Variants in MON2 observed in about 807,000 individuals in gnomAD.
The protein encoded by MON2 is protein MON2 homolog.
Under a neutral mutation model 208.6 loss-of-function variants are expected in MON2, and 84 were observed. That is an observed-to-expected ratio of 0.40 (90% CI 0.34 to 0.48). MON2 has a LOEUF of 0.48. Among genes scored for constraint, MON2 ranks in the 20% least tolerant of loss-of-function variants. MON2 has a pLI of 0.59. For missense variants in MON2, 1,611 were observed against 2,015.4 expected, an observed-to-expected ratio of 0.80 and a Z score of 3.84; for synonymous variants, 660 against 694.0, an observed-to-expected ratio of 0.95 and a Z score of 0.77.
At chr12:62,550,056 G>A (rs112933616) in intron 23 of MON2, among the ~76,000 whole-genome samples, 1 of 152,086 alleles carries the variant, frequency 6.6e-6, no homozygotes, top group Admixed American at 6.5e-5. Flanking sequence ...GTTTTACAGG[G>A]TTTGTCATGA....
chr12:62,539,267 C>CTA (rs1157641394), intron 19 of MON2, among the ~76,000 whole-genome samples: 1 of 151,420 alleles, frequency 6.6e-6, no homozygotes, highest in East Asian at 1.9e-4. Context: ...TGTTGTCTGC[C>CTA]TAGTCTTTTT....
intron 30 of MON2, among the ~76,000 whole-genome samples, chr12:62,577,364 A>G (rs986824945): frequency 2.0e-5 from 3 of 152,124 alleles, no homozygotes; most frequent in African/African-American, 7.2e-5. Flanking sequence ...ACACCCAAGA[A>G]TATAATACCT....
At chr12:62,523,542 A>C (rs2072176779) in intron 8 of MON2, among the ~76,000 whole-genome samples, 1 of 152,152 alleles carries the variant, frequency 6.6e-6, no homozygotes, top group African/African-American at 2.4e-5. Context: ...CTACTGTGTC[A>C]TTATGATTAT....
chr12:62,546,859 G>A, intron 21 of MON2, 38 bp from the exon 22 acceptor site: 2 of 1,495,958 alleles, frequency 1.3e-6, no homozygotes, highest in Non-Finnish European at 1.8e-6. Flanking sequence ...TGTCTTTTTG[G>A]ACTTCTCTTC....
At chr12:62,493,508 A>G (rs2070296003) in intron 2 of MON2, among the ~76,000 whole-genome samples, 1 of 152,166 alleles carries the variant, frequency 6.6e-6, no homozygotes, top group Admixed American at 6.5e-5. Context: ...TATTGTGGGG[A>G]TGATGTATGT....
rs372122897 is a variant in MON2, at chr12:62,515,446, G to A, written c.984+6966G>A. 3.9e-5 allele frequency among the ~76,000 whole-genome samples: 6 copies of A among 152,294 alleles called. No homozygotes were observed. In the South Asian group the frequency reaches 6.2e-4, roughly 16 times the overall value. On this transcript the variant is annotated intron_variant, in intron 8 of 34. Transcript: ENST00000393630. ...AATTCATAGAGAAAATGGAATGGTC[G>A]TTGCCAAGGACCAGGAGGACAAAGG...
In MON2 at chr12:62,512,792, C is replaced by T. The variant is rs997370973; in HGVS notation, c.984+4312C>T. ...CCTAGCAGAGGTTCTCCATGAAGAC[C>T]CTGCTCCTACAGCAAACTTCTGCCT... On this transcript the variant is annotated intron_variant, in intron 8 of 34. Coordinates refer to ENST00000393630, the MANE Select transcript of MON2 (RefSeq NM_015026.3). 2.6e-5 allele frequency among the ~76,000 whole-genome samples: 4 copies of T among 152,190 alleles called. No individual in the cohort carries two copies. In the South Asian group the frequency reaches 8.3e-4, roughly 31 times the overall value.
At position 62,585,281 on chromosome 12, in the gene MON2, G is replaced by A; in HGVS notation, c.4700-13G>A. ...TAACTTCTATTAACCATCAAAATTTGTTAATTTTACAGAAGCAGAGATTGA... is the reference window on the plus strand; with the variant it reads ...TAACTTCTATTAACCATCAAAATTTATTAATTTTACAGAAGCAGAGATTGA... On this transcript the variant is annotated splice_polypyrimidine_tract_variant and intron_variant, in intron 32 of 34. Coordinates refer to ENST00000393630, the MANE Select transcript of MON2 (RefSeq NM_015026.3). The A allele has an allele frequency of 6.3e-7, 1 of 1,594,008 alleles. No homozygotes were observed. Among genetic ancestry groups the A allele is most frequent in the South Asian group, 1.1e-5 (1 of 90,320 alleles).
chr12:62,511,428 G>T (rs1325644595), intron 8 of MON2, among the ~76,000 whole-genome samples: 1 of 152,126 alleles, frequency 6.6e-6, no homozygotes, highest in African/African-American at 2.4e-5. Flanking sequence ...AAAACCCATG[G>T]AACAGAATGG....
chr12:62,467,680 C>G (rs1283558370), intron 1 of MON2, among the ~76,000 whole-genome samples: 3 of 152,218 alleles, frequency 2.0e-5, no homozygotes, highest in African/African-American at 7.2e-5. Context: ...ATCCACCCAT[C>G]TTGTTGAAAC....
chr12:62,543,598 C>CTT (rs896992311), intron 20 of MON2, among the ~76,000 whole-genome samples: 2 of 150,060 alleles, frequency 1.3e-5, no homozygotes, highest in East Asian at 3.9e-4. Context: ...CATGAGATAG[C>CTT]TTTTTTTTTT....
Position 62,537,231 on chromosome 12 carries a change from CCT to C in MON2, c.1982_1983del (p.Pro661LeufsTer24). 2 of 1,612,482 alleles carry C rather than the reference CCT, an allele frequency of 1.2e-6. No individual in the cohort carries two copies. The highest frequency in any genetic ancestry group is 1.7e-6 in the Non-Finnish European group (2 of 1,178,752). ...SHQQVVAVGQ[P>X]LAVQPQGTVM... ...CCAACAAGTTGTGGCAGTGGGTCAA[CCT>C]TTAGCAGTCCAGCCTCAAGGGACAG... On this transcript the variant is annotated frameshift_variant, in exon 15 of 35. Coordinates refer to ENST00000393630, the MANE Select transcript of MON2 (RefSeq NM_015026.3). LOFTEE classifies it high-confidence loss of function.
chr12:62,537,610 C>A lies in MON2; in HGVS notation c.2022C>A (p.Ser674=). ...VQPQGTVMLT[S]KNIQCMRTLL... is the part of the protein sequence containing the mutation. Reference sequence around the variant, plus strand: ...TCCTTTTTAAAATATAGCTGACTTCCAAAAATATCCAGTGTATGAGGACTT... The same window carrying A: ...TCCTTTTTAAAATATAGCTGACTTCAAAAAATATCCAGTGTATGAGGACTT... The change falls in exon 16 of 35, where the codon TCC becomes TCA. Residue 674 remains serine (S), a synonymous_variant. Coordinates refer to ENST00000393630, the MANE Select transcript of MON2 (RefSeq NM_015026.3). 1 of 1,602,340 alleles carries A rather than the reference C, an allele frequency of 6.2e-7. No homozygotes were observed. Among genetic ancestry groups the A allele is most frequent in the Non-Finnish European group, 8.5e-7 (1 of 1,175,598 alleles).
chr12:62,535,710 G>GT lies in MON2; in HGVS notation c.1900+2dup. 6.2e-7 allele frequency: 1 copy of GT among 1,604,694 alleles called. No individual in the cohort carries two copies. Among genetic ancestry groups the GT allele is most frequent in the Non-Finnish European group, 8.5e-7 (1 of 1,175,072 alleles). ...ACTGCAGCTACACTTTCCAACAAAT[G>GT]TAAGACAGGCTTACTCAAAATTCTC... is the stretch of plus-strand genomic sequence containing the variant. On this transcript the variant is annotated splice_donor_variant, in intron 14 of 34. Transcript: ENST00000393630. LOFTEE classifies it high-confidence loss of function.
At chr12:62,581,167 G>T (rs1169730866) in intron 32 of MON2, among the ~76,000 whole-genome samples, 1 of 152,190 alleles carries the variant, frequency 6.6e-6, no homozygotes, top group Non-Finnish European at 1.5e-5. Flanking sequence ...ATTATATCAT[G>T]CTGCCTTAAT....
rs1329223471 is a variant in MON2 at position 62,599,503 on chromosome 12, C to G, written c.*6754C>G. On this transcript the variant is annotated 3_prime_UTR_variant, in exon 35 of 35. Transcript: ENST00000393630. ...GTCAGATATAGTTAAAATAATTTTT[C>G]TGATGCGTAATTTTAACCACCATTT... The G allele has an allele frequency of 6.6e-6, 1 of 152,144 alleles. No individual in the cohort carries two copies. The highest frequency in any genetic ancestry group is 2.4e-5 in the African/African-American group (1 of 41,440). The allele number at this position is 152,144 out of a possible 1,614,324, so 9.4% of individuals were successfully genotyped here. A position where few individuals can be genotyped will look rare whatever the true frequency, so the allele number is the denominator to read the frequency against.
At chr12:62,585,562 G>A (rs943053461) in intron 33 of MON2, 61 bp downstream of exon 33, 16 of 1,304,988 alleles carry the variant, frequency 1.2e-5, no homozygotes, top group Middle Eastern at 2.2e-4. Context: ...TGATAACAAG[G>A]AAAACTCTGA....
At chr12:62,498,231 A>G (rs1366170243) in intron 4 of MON2, among the ~76,000 whole-genome samples, 1 of 152,222 alleles carries the variant, frequency 6.6e-6, no homozygotes, top group African/African-American at 2.4e-5. Flanking sequence ...AGGTGGGCCC[A>G]AATGAGCACA....
In MON2 at chr12:62,599,077, T is replaced by C. The variant is rs187153830; in HGVS notation, c.*6328T>C. On this transcript the variant is annotated 3_prime_UTR_variant, in exon 35 of 35. Transcript: ENST00000393630. Reference sequence around the variant, plus strand: ...CATCACTTACTCTGTTTAAAGACTTTACGAGTAGTGAGTCACATGTTTAGG... The same window carrying C: ...CATCACTTACTCTGTTTAAAGACTTCACGAGTAGTGAGTCACATGTTTAGG... 9.9e-5 allele frequency: 15 copies of C among 152,160 alleles called. No individual in the cohort carries two copies. Among genetic ancestry groups the C allele is most frequent in the Admixed American group, 9.2e-4 (14 of 15,290 alleles). 9.4% of individuals were successfully genotyped at this position (152,160 alleles called of 1,614,324 possible). A position where few individuals can be genotyped will look rare whatever the true frequency, so the allele number is the denominator to read the frequency against.
Sources: allele counts gnomAD v4.1 joint callset (sites outside exome capture counted in the v4.1 genomes callset), GRCh38; gene constraint gnomAD v4.1.1; transcripts MANE v1.5; gene names NCBI Gene and HGNC (gene_info 2026-07-23, HGNC 2026-07-21).